The following IHO1 variants were observed in gnomAD, a reference collection of about 807,000 sequenced individuals.
The protein encoded by IHO1 is interactor of HORMAD1 protein 1.
Under a neutral mutation model 31.0 loss-of-function variants are expected in IHO1, and 13 were observed. The observed-to-expected ratio is 0.42, with a 90% CI of 0.27 to 0.67. The LOEUF (loss-of-function observed/expected upper bound fraction) is 0.67. IHO1 is among the 30% of genes least tolerant of loss of function. IHO1 has a pLI of 0.24. For missense variants in IHO1, 599 were observed against 687.5 expected (o/e 0.87, Z 1.44); for synonymous variants, 221 against 248.4 (o/e 0.89, Z 1.04).
the IHO1 span, chr3:49,191,942 T>C: frequency 1.5e-6 from 1 of 667,912 alleles, no homozygotes; most frequent in Non-Finnish European, 2.6e-6. Context: ...GTTGCCCCTT[T>C]GTCCTTGCTG....
chr3:49,256,314 A>T lies in IHO1; in HGVS notation c.817A>T (p.Thr273Ser). 6.2e-7 allele frequency: 1 copy of T among 1,614,114 alleles called. No homozygotes were observed. Among genetic ancestry groups the T allele is most frequent in the Non-Finnish European group, 8.5e-7 (1 of 1,180,020 alleles). The change falls in exon 8 of 8, where the codon ACG becomes TCG. Residue 273 changes from threonine (T) to serine (S), a missense_variant. Coordinates refer to ENST00000452691, the MANE Select transcript of IHO1 (RefSeq NM_001135197.2). This position sits in a 1 kb window ranked among gnomAD's most constrained non-coding sequence, Gnocchi z 4.6. The stretch of plus-strand genomic sequence containing the variant: ...TCCAGTGAAAGACAGTGCTTCTCAG[A>T]CGTCGCCACCTTTGGCCCAGAGCCT... The part of the protein sequence containing the change: ...VPPVKDSASQ[T>S]SPPLAQSLNL...
chr3:49,207,562 A>G (rs2046155346), intron 1 of IHO1, among the ~76,000 whole-genome samples: 1 of 151,888 alleles, frequency 6.6e-6, no homozygotes, highest in Non-Finnish European at 1.5e-5. Flanking sequence ...CTCATGCTGC[A>G]TATTTTAGAA....
intron 1 of IHO1, among the ~76,000 whole-genome samples, chr3:49,209,490 G>A (rs2046181159): frequency 6.6e-6 from 1 of 151,640 alleles, no homozygotes; most frequent in Non-Finnish European, 1.5e-5. Context: ...AAAAAAATTA[G>A]CCAGGAGTGA....
intron 2 of IHO1, among the ~76,000 whole-genome samples, chr3:49,225,191 C>T (rs889067044): frequency 9.9e-5 from 15 of 152,140 alleles, no homozygotes; most frequent in Admixed American, 5.9e-4. Context: ...TTTGGCTGGG[C>T]GCAGTGGCTC....
intron 1 of IHO1, among the ~76,000 whole-genome samples, chr3:49,204,218 C>T (rs1334937296): frequency 6.6e-6 from 1 of 152,110 alleles, no homozygotes. Context: ...TTAATACTAT[C>T]ACAATGGTAA....
chr3:49,206,062 C>T (rs1488311133), intron 1 of IHO1, among the ~76,000 whole-genome samples: 1 of 152,000 alleles, frequency 6.6e-6, no homozygotes, highest in Non-Finnish European at 1.5e-5. Flanking sequence ...TTCCTGGGTT[C>T]GCGCCATTCT....
At chr3:49,228,196 TCA>T in intron 2 of IHO1, 1 of 334,092 alleles carries the variant, frequency 3.0e-6, no homozygotes, top group South Asian at 2.4e-5. Context: ...AGAGTTCTAC[TCA>T]CAGCCGCAGG....
chr3:49,201,114 C>T (rs919242544), intron 1 of IHO1, among the ~76,000 whole-genome samples: 1 of 151,928 alleles, frequency 6.6e-6, no homozygotes, highest in Non-Finnish European at 1.5e-5. Context: ...CTGCCTCAGC[C>T]TCCCAAGTAG....
In IHO1 at chr3:49,257,033, C is replaced by G; in HGVS notation, c.1536C>G (p.Val512=). 6.2e-7 allele frequency: 1 copy of G among 1,614,216 alleles called. No homozygotes were observed. Among genetic ancestry groups the G allele is most frequent in the East Asian group, 2.2e-5 (1 of 44,884 alleles). ...LQCPRSPRKP[V]CPILGGTVMP... is the part of the protein sequence containing the mutation. ...GTCCCAGGAGCCCCAGAAAACCAGT[C>G]TGCCCTATTCTGGGAGGAACAGTCA... The change falls in exon 8 of 8, where the codon GTC becomes GTG. Residue 512 remains valine, a synonymous_variant. Transcript: ENST00000452691.
chr3:49,233,825 G>A (rs2046512323), intron 2 of IHO1, among the ~76,000 whole-genome samples: 2 of 152,002 alleles, frequency 1.3e-5, no homozygotes, highest in African/African-American at 4.8e-5. Context: ...CCAGAATGAG[G>A]GCAAGGAACA....
At chr3:49,207,277 C>T (rs1487084574) in intron 1 of IHO1, among the ~76,000 whole-genome samples, 4 of 148,166 alleles carry the variant, frequency 2.7e-5, no homozygotes, top group African/African-American at 1.0e-4. Context: ...GACGGAGTCT[C>T]ACTCTGTCTC....
At chr3:49,246,081 C>T (rs2046689798) in intron 6 of IHO1, among the ~76,000 whole-genome samples, 1 of 150,162 alleles carries the variant, frequency 6.7e-6, no homozygotes, top group South Asian at 2.1e-4. Context: ...ACTCGGGAGG[C>T]TGAGGCAGAA....
At chr3:49,223,274 A>G (rs895663425) in intron 2 of IHO1, among the ~76,000 whole-genome samples, 1 of 152,112 alleles carries the variant, frequency 6.6e-6, no homozygotes, top group Non-Finnish European at 1.5e-5. Context: ...TAGTTTCCTT[A>G]AGTGCTTTTT....
Position 49,202,448 on chromosome 3 carries a change from C to T in IHO1, c.-16+2875C>T, listed in dbSNP as rs1373311601. Among the ~76,000 whole-genome samples, 3 of 150,126 alleles carry T rather than the reference C, an allele frequency of 2.0e-5. No homozygotes were observed. In the East Asian group the frequency reaches 5.8e-4, roughly 29 times the overall value. On this transcript the variant is annotated intron_variant, in intron 1 of 7. Transcript: ENST00000452691. ...TCGCGCCATTCTCCTGCCTCAGCCT[C>T]CTGAGTAGCTGGGACCACAGGTGCC...
rs147015971 is a variant in IHO1, at chr3:49,231,999, A to C, written c.57-4549A>C. Among the ~76,000 whole-genome samples the C allele has an allele frequency of 1.9e-3, 296 of 152,320 alleles. 2 individuals carry two copies. The highest frequency in any genetic ancestry group is 6.8e-3 in the African/African-American group (281 of 41,572). ...TCGTTTGGGAGACTAGCTTATGTAC[A>C]TGTATGCGTGGACACCTTTTCTTAC... On this transcript the variant is annotated intron_variant, in intron 2 of 7. Coordinates refer to ENST00000452691, the MANE Select transcript of IHO1 (RefSeq NM_001135197.2).
At chr3:49,212,833 G>A (rs114814755) in intron 2 of IHO1, among the ~76,000 whole-genome samples, 1 of 152,200 alleles carries the variant, frequency 6.6e-6, no homozygotes, top group Non-Finnish European at 1.5e-5. Context: ...TTATTGCAAA[G>A]AGTGAAAGAA....
intron 6 of IHO1, chr3:49,252,038 T>C (rs1264164410): frequency 6.6e-6 from 1 of 152,452 alleles, no homozygotes; most frequent in Non-Finnish European, 1.5e-5. Flanking sequence ...TCCATGTTGG[T>C]CAGGCTGGTC....
intron 3 of IHO1, among the ~76,000 whole-genome samples, chr3:49,237,486 A>G (rs1186855519): frequency 6.6e-6 from 1 of 152,214 alleles, no homozygotes; most frequent in Non-Finnish European, 1.5e-5. Flanking sequence ...GTGCTTGATT[A>G]GTGACTCATT....
chr3:49,243,618 CGT>C (rs1016703757), intron 4 of IHO1, among the ~76,000 whole-genome samples: 1 of 151,150 alleles, frequency 6.6e-6, no homozygotes, highest in African/African-American at 2.4e-5. Context: ...ATTAGCCGGG[CGT>C]GGTGGCGGGA....
Sources: gnomAD v4.1 joint callset for allele counts (sites outside exome capture counted in the v4.1 genomes callset) on GRCh38, gnomAD v4.1.1 for gene constraint, Gnocchi (gnomAD v3.1) non-coding constraint, MANE v1.5 for transcripts, NCBI Gene and HGNC (gene_info 2026-07-23, HGNC 2026-07-21) for gene names.